Variants in TAF5L observed in about 807,000 individuals in gnomAD.
The protein encoded by TAF5L is TATA-box binding protein associated factor 5 like, also known as TAF5-like RNA polymerase II p300/CBP-associated factor-associated factor 65 kDa subunit 5L.
Under a neutral mutation model 51.3 loss-of-function variants are expected in TAF5L, and 7 were observed. That is an observed-to-expected ratio of 0.14 (90% CI 0.08 to 0.26). The LOEUF is 0.26. TAF5L is among the 10% of genes least tolerant of loss of function. The probability of loss-of-function intolerance (pLI) is 1.00; values close to 1 mark genes in which losing one functional copy is unlikely to be tolerated. For missense variants in TAF5L, 575 were observed against 758.9 expected (o/e 0.76, Z 2.85); for synonymous variants, 291 against 308.1 (o/e 0.94, Z 0.58).
At chr1:229,603,023 C>G (rs1664446974) in intron 3 of TAF5L, 104 bp from the exon 4 acceptor site, 1 of 1,445,160 alleles carries the variant, frequency 6.9e-7, no homozygotes, top group Non-Finnish European at 9.0e-7. Context: ...CTTGCCAGGA[C>G]CCCATTTTTT....
chr1:229,603,520 G>A (rs1020984777), intron 3 of TAF5L, among the ~76,000 whole-genome samples: 5 of 152,176 alleles, frequency 3.3e-5, no homozygotes, highest in African/African-American at 1.2e-4. Flanking sequence ...TCATTAACAT[G>A]TCTGGTTATA....
chr1:229,609,917 G>A (rs951159144), intron 3 of TAF5L, among the ~76,000 whole-genome samples, 189 bp downstream of exon 3: 1 of 152,148 alleles, frequency 6.6e-6, no homozygotes, highest in South Asian at 2.1e-4. Context: ...GAGTACCTTC[G>A]AATCCCTAGT....
chr1:229,614,411 G>A (rs1425635067), exon 2 of TAF5L: 3 of 1,614,212 alleles, frequency 1.9e-6, no homozygotes, highest in Admixed American at 3.3e-5. Context: ...GACCATCTGA[G>A]TCCACGTACT....
intron 3 of TAF5L, chr1:229,607,300 A>G (rs1664631650): frequency 1.0e-6 from 1 of 985,004 alleles, no homozygotes. Flanking sequence ...TTCTCACCTC[A>G]TTTCTCAAGA....
intron 4 of TAF5L, chr1:229,599,290 C>G (rs1664272098): frequency 4.5e-6 from 3 of 669,378 alleles, no homozygotes; most frequent in Non-Finnish European, 3.7e-6. Flanking sequence ...TTTTTTTAAA[C>G]TGAGATATAA....
chr1:229,608,881 G>T (rs1361593931), intron 3 of TAF5L, among the ~76,000 whole-genome samples: 1 of 152,126 alleles, frequency 6.6e-6, no homozygotes, highest in African/African-American at 2.4e-5. Context: ...GCACATGCTT[G>T]TGGTCCCAGC....
chr1:229,604,714 A>G (rs1664517489), intron 3 of TAF5L, among the ~76,000 whole-genome samples: 2 of 152,310 alleles, frequency 1.3e-5, no homozygotes, highest in African/African-American at 4.8e-5. Flanking sequence ...AACCACGATC[A>G]GCTTGCGAGA....
intron 1 of TAF5L, among the ~76,000 whole-genome samples, chr1:229,622,816 C>T (rs1329946200): frequency 4.6e-5 from 7 of 152,080 alleles, no homozygotes; most frequent in Admixed American, 6.5e-5. Context: ...AGTCTCACTA[C>T]GCTGCCCAGG....
intron 4 of TAF5L, among the ~76,000 whole-genome samples, chr1:229,598,707 C>CT (rs1227730003): frequency 5.2e-5 from 5 of 97,060 alleles, no homozygotes; most frequent in East Asian, 6.2e-4. Context: ...TTTTTTTTTT[C>CT]TTTTTTTTTG....
At chr1:229,618,088 C>G (rs1665071379) in intron 1 of TAF5L, among the ~76,000 whole-genome samples, 1 of 152,092 alleles carries the variant, frequency 6.6e-6, no homozygotes, top group Non-Finnish European at 1.5e-5. Context: ...TCCCCTCCAC[C>G]CAGACTGATT....
rs565998175 is a variant in TAF5L, at chr1:229,594,729, G to A, written c.1338C>T (p.Thr446=). ...CGCTCCACAGCCGGACGGTCTTGTC[G>A]GTTGAGCCCGTGGCCAAGTAGTTTG... Residue 446 remains threonine, a synonymous_variant, in exon 5 of 5, where the codon ACC becomes ACT. Coordinates refer to ENST00000258281, the Ensembl canonical transcript of TAF5L. This position sits in a 1 kb window ranked among gnomAD's most constrained non-coding sequence, Gnocchi z 7.9. 9.0e-5 allele frequency: 145 copies of A among 1,614,210 alleles called. No individual in the cohort carries two copies. Among genetic ancestry groups the A allele is most frequent in the South Asian group, 3.4e-4 (31 of 91,086 alleles).
At chr1:229,621,931 G>A (rs943048242) in intron 1 of TAF5L, among the ~76,000 whole-genome samples, 20 of 152,020 alleles carry the variant, frequency 1.3e-4, no homozygotes, top group Non-Finnish European at 2.1e-4. Flanking sequence ...AATAAAGCAC[G>A]TCTTAAATCC....
intron 3 of TAF5L, among the ~76,000 whole-genome samples, chr1:229,608,758 T>C (rs959585479): frequency 2.6e-5 from 4 of 152,196 alleles, no homozygotes; most frequent in African/African-American, 7.2e-5. Context: ...CTCAGCACTT[T>C]GGGAGGCCAA....
At chr1:229,622,140 A>C (rs997194237) in intron 1 of TAF5L, among the ~76,000 whole-genome samples, 1 of 152,086 alleles carries the variant, frequency 6.6e-6, no homozygotes. Context: ...TTTTGCATTT[A>C]ACACTTGCAC....
intron 3 of TAF5L, among the ~76,000 whole-genome samples, chr1:229,609,514 A>AAT (rs138223400): frequency 0.013 from 1,948 of 152,194 alleles, 43 homozygotes; most frequent in African/African-American, 0.045. Context: ...TTTTCTTCCT[A>AAT]ATGTTCTACA....
chr1:229,621,190 T>C (rs1665189597), intron 1 of TAF5L, among the ~76,000 whole-genome samples: 1 of 152,224 alleles, frequency 6.6e-6, no homozygotes, highest in Non-Finnish European at 1.5e-5. Flanking sequence ...TAGTCATAAG[T>C]GGCCAATGAT....
rs776741903 is a variant in TAF5L, at chr1:229,602,698, C to T, written c.469G>A (p.Ala157Thr). 4.3e-6 allele frequency: 7 copies of T among 1,613,996 alleles called. No homozygotes were observed. Among genetic ancestry groups the T allele is most frequent in the Non-Finnish European group, 2.5e-6 (3 of 1,180,034 alleles). Residue 157 changes from alanine to threonine, a missense_variant, in exon 4 of 5, where the codon GCA becomes ACA. Around this residue, in one of 3 missense-constraint regions of TAF5L, gnomAD observed 380 missense variants for 443.7 expected, o/e 0.86. Transcript: ENST00000258281. The surrounding 1 kb of genome is among the most constrained non-coding windows in gnomAD (Gnocchi z 4.6). ...ACCACGTACTTGTTATCTAGGAATGCTCGAAGCTTGAAGTTAGATAGGATG... is the reference window on the plus strand; with the variant it reads ...ACCACGTACTTGTTATCTAGGAATGTTCGAAGCTTGAAGTTAGATAGGATG...
At chr1:229,614,147 A>G in intron 2 of TAF5L, 194 bp downstream of exon 2, 1 of 843,334 alleles carries the variant, frequency 1.2e-6, no homozygotes, top group Non-Finnish European at 2.0e-6. Flanking sequence ...CAGAAGTGAC[A>G]ATGTGAGCAC....
chr1:229,601,782 A>T, intron 4 of TAF5L: 1 of 1,014,766 alleles, frequency 9.9e-7, no homozygotes, highest in Non-Finnish European at 1.2e-6. Flanking sequence ...CTGTGGGGAA[A>T]ATAATATTCA....
Sources: allele counts gnomAD v4.1 joint callset (sites outside exome capture counted in the v4.1 genomes callset), GRCh38; gene constraint gnomAD v4.1.1; regional missense constraint gnomAD v4.1.1; non-coding constraint Gnocchi (gnomAD v3.1); transcripts MANE v1.5; gene names NCBI Gene and HGNC (gene_info 2026-07-23, HGNC 2026-07-21).